The following UBAP2L variants were observed in gnomAD, a reference collection of about 807,000 sequenced individuals.
UBAP2L encodes the protein ubiquitin associated protein 2 like, also known as ubiquitin-associated protein 2-like.
A neutral mutation model predicts 130.6 loss-of-function variants in UBAP2L; 12 were observed. That is an observed-to-expected ratio of 0.09 (90% confidence interval 0.06 to 0.15). UBAP2L has a LOEUF of 0.15. UBAP2L is among the 10% of genes least tolerant of loss of function. The pLI, the probability that UBAP2L is intolerant of heterozygous loss-of-function variation, is 1.00. For synonymous variants in UBAP2L, 503 were observed against 524.7 expected (o/e 0.96, Z 0.57); for missense variants, 965 against 1,332.5 (o/e 0.72, Z 4.29).
Position 154,236,547 on chromosome 1 carries a change from T to A in UBAP2L, c.545-19T>A. 5.6e-6 allele frequency: 9 copies of A among 1,613,992 alleles called. No homozygotes were observed. Among genetic ancestry groups the A allele is most frequent in the Non-Finnish European group, 7.6e-6 (9 of 1,179,874 alleles). ...TTCTAAAATACATCTCTCTTCTCTTTTTCTCATTCTTTCTTTAGGTGGCTC... is the reference window on the plus strand; with the variant it reads ...TTCTAAAATACATCTCTCTTCTCTTATTCTCATTCTTTCTTTAGGTGGCTC... On this transcript the variant is annotated intron_variant, in intron 6 of 26. Transcript: ENST00000428931.
At chr1:154,263,278 A>G (rs1191294796) in intron 24 of UBAP2L, 6 of 1,494,188 alleles carry the variant, frequency 4.0e-6, no homozygotes, top group South Asian at 1.3e-5. Context: ...GGCTTGGGGA[A>G]ATGAGTTGGT....
Position 154,231,369 on chromosome 1 carries a change from C to T in UBAP2L, c.279+2644C>T, listed in dbSNP as rs1246023534. 2.0e-4 allele frequency among the ~76,000 whole-genome samples: 29 copies of T among 146,654 alleles called. No individual in the cohort carries two copies. The East Asian group carries it at 4.7e-3, about 24-fold the overall frequency. On this transcript the variant is annotated intron_variant, in intron 4 of 26. Coordinates refer to ENST00000428931, the MANE Select transcript of UBAP2L (RefSeq NM_014847.4). The stretch of plus-strand genomic sequence containing the variant: ...AGGCTGGAGTGCAATGGTGAGATCT[C>T]GGCTCACTGCAGCCTCTGCCTCCTG...
chr1:154,246,459 G>T (rs1221352863), intron 11 of UBAP2L, 84 bp downstream of exon 11: 2 of 1,469,848 alleles, frequency 1.4e-6, no homozygotes, highest in African/African-American at 2.8e-5. Context: ...AGACAGTCAG[G>T]TTTTTGGCAG....
At chr1:154,259,092 T>A in intron 21 of UBAP2L, 62 bp downstream of exon 21, 1 of 1,410,612 alleles carries the variant, frequency 7.1e-7, no homozygotes, top group Non-Finnish European at 1.0e-6. Context: ...TTGGGAGAAT[T>A]ATCTCCGTCA....
intron 8 of UBAP2L, among the ~76,000 whole-genome samples, chr1:154,238,045 T>C (rs1672258536): frequency 6.6e-6 from 1 of 152,214 alleles, no homozygotes; most frequent in Admixed American, 6.5e-5. Flanking sequence ...TTTGACTCCT[T>C]ACCTGTTTAA....
rs142422609 is a variant in UBAP2L at position 154,245,631 on chromosome 1, C to T, written c.843-573C>T. ...GCCATGTTAAAACTAGCATTTGAGG[C>T]CGGGTGCGGTGCGGTGGCTAACGCC... On this transcript the variant is annotated intron_variant, in intron 10 of 26. Transcript: ENST00000428931. Among the ~76,000 whole-genome samples, 307 of 152,180 alleles carry T rather than the reference C, an allele frequency of 2.0e-3. 1 individual carries two copies. Among genetic ancestry groups the T allele is most frequent in the Non-Finnish European group, 3.7e-3 (252 of 68,002 alleles).
Position 154,225,105 on chromosome 1 carries a change from T to G in UBAP2L, c.-19T>G. Reference sequence around the variant, plus strand: ...TCAGTATTCTACCTTGTAAATACTGTTATTTGTATATACTGTAAATGATGA... The same window carrying G: ...TCAGTATTCTACCTTGTAAATACTGGTATTTGTATATACTGTAAATGATGA... On this transcript the variant is annotated 5_prime_UTR_variant, in exon 2 of 27. Coordinates refer to ENST00000428931, the MANE Select transcript of UBAP2L (RefSeq NM_014847.4). 1 of 1,613,258 alleles carries G rather than the reference T, an allele frequency of 6.2e-7. No individual in the cohort carries two copies. The highest frequency in any genetic ancestry group is 8.5e-7 in the Non-Finnish European group (1 of 1,179,352).
chr1:154,267,109 A>C (rs1485745053), intron 25 of UBAP2L, among the ~76,000 whole-genome samples: 1 of 151,874 alleles, frequency 6.6e-6, no homozygotes, highest in Non-Finnish European at 1.5e-5. Flanking sequence ...CAGCACTTCA[A>C]ATATCTCAGT....
At chr1:154,241,019 T>C (rs1673399652) in intron 8 of UBAP2L, among the ~76,000 whole-genome samples, 1 of 146,686 alleles carries the variant, frequency 6.8e-6, no homozygotes. Context: ...CCTGGTACTC[T>C]GAGATATCCT....
intron 14 of UBAP2L, among the ~76,000 whole-genome samples, chr1:154,252,591 C>T (rs1571867271): frequency 6.6e-6 from 1 of 151,192 alleles, no homozygotes; most frequent in African/African-American, 2.4e-5. Context: ...CAGAGTTTTG[C>T]TCTTGTTGCC....
intron 2 of UBAP2L, among the ~76,000 whole-genome samples, chr1:154,226,365 T>C (rs930660990): frequency 6.6e-6 from 1 of 152,242 alleles, no homozygotes; most frequent in Non-Finnish European, 1.5e-5. Context: ...AGATATATTC[T>C]GTTTCTCATA....
At chr1:154,269,760 A>G in intron 26 of UBAP2L, 1 of 245,856 alleles carries the variant, frequency 4.1e-6, no homozygotes. Context: ...GGGGCGATGC[A>G]AGTGGCCTCT....
chr1:154,251,739 G>T (rs761893341), intron 14 of UBAP2L, 86 bp downstream of exon 14: 6 of 1,497,536 alleles, frequency 4.0e-6, no homozygotes, highest in South Asian at 1.3e-5. Context: ...CTCTGGAGAG[G>T]CCAAGCCCCT....
intron 4 of UBAP2L, among the ~76,000 whole-genome samples, chr1:154,229,961 TC>T (rs1669275476): frequency 6.6e-6 from 1 of 151,552 alleles, no homozygotes; most frequent in Non-Finnish European, 1.5e-5. Context: ...GTTCAAGTGA[TC>T]CTGTGCCTCA....
intron 26 of UBAP2L, 132 bp downstream of exon 26, chr1:154,269,086 A>G: frequency 9.0e-7 from 1 of 1,112,036 alleles, no homozygotes; most frequent in Non-Finnish European, 1.3e-6. Flanking sequence ...AGTCATGGGC[A>G]CACAGCACAT....
chr1:154,225,641 A>G (rs964177637), intron 2 of UBAP2L, among the ~76,000 whole-genome samples: 1 of 151,850 alleles, frequency 6.6e-6, no homozygotes, highest in Non-Finnish European at 1.5e-5. Context: ...GGCTAATTTT[A>G]AAATTCTTGT....
At chr1:154,226,271 C>T (rs1667903776) in intron 2 of UBAP2L, among the ~76,000 whole-genome samples, 1 of 152,150 alleles carries the variant, frequency 6.6e-6, no homozygotes, top group Admixed American at 6.6e-5. Flanking sequence ...TATGTTTCTT[C>T]AAAATTAAAT....
At position 154,251,488 on chromosome 1, in the gene UBAP2L, C is replaced by T; in HGVS notation, c.1499C>T (p.Ala500Val). The change falls in exon 14 of 27, where the codon GCT becomes GTT. Residue 500 changes from alanine (A) to valine (V), a missense_variant. This residue lies in a region of UBAP2L where 393 missense variants were observed against 408.1 expected (regional missense o/e 0.96). Transcript: ENST00000428931. ...TCTCCTTCAACTTTATAGATTCCTGCTCTGGCTGTGGAGATGCCTGGCTCA... is the reference window on the plus strand; with the variant it reads ...TCTCCTTCAACTTTATAGATTCCTGTTCTGGCTGTGGAGATGCCTGGCTCA... Reference protein sequence around the residue: ...KKASLTSKIPALAVEMPGSAD... With the variant: ...KKASLTSKIPVLAVEMPGSAD... The T allele has an allele frequency of 6.2e-7, 1 of 1,613,880 alleles. No homozygotes were observed. Among genetic ancestry groups the T allele is most frequent in the Non-Finnish European group, 8.5e-7 (1 of 1,179,968 alleles).
chr1:154,235,137 C>CCAT (rs1671193672), intron 5 of UBAP2L, 59 bp from the exon 6 acceptor site: 1 of 709,334 alleles, frequency 1.4e-6, no homozygotes. Flanking sequence ...TGTGCTCTGG[C>CCAT]CATCTGTGGT....
Sources: gnomAD v4.1 joint callset for allele counts (sites outside exome capture counted in the v4.1 genomes callset) on GRCh38, gnomAD v4.1.1 for gene constraint, gnomAD v4.1.1 regional missense constraint, MANE v1.5 for transcripts, NCBI Gene and HGNC (gene_info 2026-07-23, HGNC 2026-07-21) for gene names.